The following OAS3 variants were observed in gnomAD, a reference collection of about 807,000 sequenced individuals.
OAS3 encodes 2'-5'-oligoadenylate synthase 3.
OAS3 carries 107 observed loss-of-function variants against 113.0 expected under a neutral mutation model. The observed-to-expected ratio is 0.95, with a 90% CI of 0.81 to 1.11. The LOEUF is 1.11. Among genes scored for constraint, OAS3 ranks in the 50% most tolerant of loss-of-function variants. OAS3 has a pLI of 0.00. For missense variants in OAS3, 1,258 were observed against 1,389.1 expected (o/e 0.91, Z 1.50); for synonymous variants, 552 against 573.6 (o/e 0.96, Z 0.54).
chr12:112,947,942 G>T lies in OAS3; in HGVS notation c.876-4G>T, dbSNP rs1280978220. ...AGAACCTTCTTGTCTCTCTGAAATT[G>T]CAGGCCTGTGATCCTGGACCCAGCT... On this transcript the variant is annotated splice_polypyrimidine_tract_variant and splice_region_variant and intron_variant, in intron 4 of 15. Coordinates refer to ENST00000228928, the MANE Select transcript of OAS3 (RefSeq NM_006187.4). 2 of 1,583,280 alleles carry T rather than the reference G, an allele frequency of 1.3e-6. No individual in the cohort carries two copies. Among genetic ancestry groups the T allele is most frequent in the Non-Finnish European group, 1.7e-6 (2 of 1,165,076 alleles).
At chr12:112,953,277 G>A (rs2043807526) in intron 7 of OAS3, among the ~76,000 whole-genome samples, 1 of 152,130 alleles carries the variant, frequency 6.6e-6, no homozygotes, top group Admixed American at 6.5e-5. Context: ...TCAGAATGAT[G>A]GTTTCCAACT....
Position 112,950,890 on chromosome 12 carries a change from G to A in OAS3, c.1572G>A (p.Val524=), listed in dbSNP as rs377276708. Reference sequence around the variant, plus strand: ...GCCTTCAGTTTCCTGAGCAGAATGTGCCTGAGGCTCTGCAGTTCCAGCTGG... The same window carrying A: ...GCCTTCAGTTTCCTGAGCAGAATGTACCTGAGGCTCTGCAGTTCCAGCTGG... ...SLSLQFPEQN[V]PEALQFQLVS... is the part of the protein sequence containing the mutation. Residue 524 remains valine (V), a synonymous_variant, in exon 7 of 16, where the codon GTG becomes GTA. Coordinates refer to ENST00000228928, the MANE Select transcript of OAS3 (RefSeq NM_006187.4). The A allele has an allele frequency of 1.9e-5, 31 of 1,613,924 alleles. No individual in the cohort carries two copies. The highest frequency in any genetic ancestry group is 2.5e-5 in the Non-Finnish European group (29 of 1,179,908).
intron 1 of OAS3, among the ~76,000 whole-genome samples, 156 bp downstream of exon 1, chr12:112,938,863 T>TC (rs1289302265): frequency 1.3e-5 from 2 of 152,014 alleles, no homozygotes; most frequent in Non-Finnish European, 2.9e-5. Context: ...CCGTGCTAAC[T>TC]CCCCCGAACA....
At chr12:112,947,091 G>A (rs1357776190) in intron 4 of OAS3, 110 bp downstream of exon 4, 1 of 785,170 alleles carries the variant, frequency 1.3e-6, no homozygotes, top group East Asian at 2.7e-5. Context: ...AGAGGCCAAA[G>A]CAAAATGCTA....
chr12:112,938,618 C>A lies in OAS3; in HGVS notation c.88C>A (p.Arg30=), dbSNP rs201141925. The A allele has an allele frequency of 6.2e-7, 1 of 1,609,450 alleles. No homozygotes were observed. The highest frequency in any genetic ancestry group is 1.7e-5 in the Admixed American group (1 of 59,800). The change falls in exon 1 of 16, where the codon CGG becomes AGG. Residue 30 remains arginine, a synonymous_variant. Coordinates refer to ENST00000228928, the MANE Select transcript of OAS3 (RefSeq NM_006187.4). The part of the protein sequence containing the change: ...QPRKEFVEKA[R]RALGALAAAL... The stretch of plus-strand genomic sequence containing the variant: ...GCGGAAGGAGTTCGTAGAGAAGGCG[C>A]GGCGCGCTCTGGGCGCCCTGGCCGC...
intron 7 of OAS3, among the ~76,000 whole-genome samples, chr12:112,956,534 G>C (rs2043838054): frequency 6.6e-6 from 1 of 152,152 alleles, no homozygotes; most frequent in Non-Finnish European, 1.5e-5. Context: ...CTGGTATGTT[G>C]TGTCTTTGTT....
In OAS3 at chr12:112,947,968, G is replaced by C. The variant is rs1318129832; in HGVS notation, c.898G>C (p.Asp300His). 4 of 1,601,282 alleles carry C rather than the reference G, an allele frequency of 2.5e-6. No homozygotes were observed. The highest frequency in any genetic ancestry group is 3.4e-6 in the Non-Finnish European group (4 of 1,174,142). ...RPRPVILDPA[D>H]PTWDLGNGAA... ...CAGGCCTGTGATCCTGGACCCAGCT[G>C]ACCCCACATGGGACCTGGGGAATGG... The change falls in exon 5 of 16, where the codon GAC becomes CAC. Residue 300 changes from aspartate (D) to histidine (H), a missense_variant. Physicochemically the swap from Asp to His is moderately conservative, Grantham distance 81 (BLOSUM62 -1). Coordinates refer to ENST00000228928, the MANE Select transcript of OAS3 (RefSeq NM_006187.4).
chr12:112,953,433 T>C (rs1278865729), intron 7 of OAS3, among the ~76,000 whole-genome samples: 3 of 152,252 alleles, frequency 2.0e-5, no homozygotes, highest in Non-Finnish European at 4.4e-5. Flanking sequence ...TTGTGAATAG[T>C]GCCACAATAA....
At chr12:112,953,557 C>T (rs1016061353) in intron 7 of OAS3, among the ~76,000 whole-genome samples, 11 of 152,158 alleles carry the variant, frequency 7.2e-5, no homozygotes, top group African/African-American at 1.7e-4. Flanking sequence ...CTTGAGGAAT[C>T]ACCACACTGT....
chr12:112,970,260 A>C lies in OAS3; in HGVS notation c.*287A>C. Reference sequence around the variant, plus strand: ...CTGTCACTTCCATGACTCTATCCTCATACCACCACTGCTGCTTCCCACCCA... The same window carrying C: ...CTGTCACTTCCATGACTCTATCCTCCTACCACCACTGCTGCTTCCCACCCA... On this transcript the variant is annotated 3_prime_UTR_variant, in exon 16 of 16. Coordinates refer to ENST00000228928, the MANE Select transcript of OAS3 (RefSeq NM_006187.4). The C allele has an allele frequency of 9.9e-6, 5 of 507,288 alleles. No homozygotes were observed. Among genetic ancestry groups the C allele is most frequent in the East Asian group, 3.5e-5 (1 of 28,962 alleles). The allele number at this position is 507,288 out of a possible 1,614,324, so 31.4% of individuals were successfully genotyped here. A position where few individuals can be genotyped will look rare whatever the true frequency, so the allele number is the denominator to read the frequency against.
At chr12:112,946,100 AC>A (rs988060300) in intron 3 of OAS3, among the ~76,000 whole-genome samples, 4 of 151,962 alleles carry the variant, frequency 2.6e-5, no homozygotes, top group Non-Finnish European at 5.9e-5. Flanking sequence ...CATGTTTGTC[AC>A]CCCAGAGAGA....
chr12:112,964,384 C>T lies in OAS3; in HGVS notation c.2379C>T (p.Pro793=). 2 of 1,612,218 alleles carry T rather than the reference C, an allele frequency of 1.2e-6. No individual in the cohort carries two copies. The highest frequency in any genetic ancestry group is 1.7e-6 in the Non-Finnish European group (2 of 1,179,246). ...AGGAAAACTGCTTCCGGAATTCTCC[C>T]ATCAAAGTGATCAAGGTGGTCAAGG... The part of the protein sequence containing the change: ...FLKENCFRNS[P]IKVIKVVKGG... Residue 793 remains proline (P), a synonymous_variant, in exon 11 of 16, where the codon CCC becomes CCT. Coordinates refer to ENST00000228928, the MANE Select transcript of OAS3 (RefSeq NM_006187.4).
intron 8 of OAS3, 131 bp downstream of exon 8, chr12:112,961,377 C>A: frequency 1.3e-6 from 1 of 755,244 alleles, no homozygotes. Context: ...GAAGGACCGG[C>A]CTCCTCCATC....
At chr12:112,952,697 A>G (rs1301233583) in intron 7 of OAS3, among the ~76,000 whole-genome samples, 1 of 152,186 alleles carries the variant, frequency 6.6e-6, no homozygotes, top group Non-Finnish European at 1.5e-5. Flanking sequence ...ATGAGTGACA[A>G]ATTTTTCTCA....
At position 112,939,306 on chromosome 12, in the gene OAS3, C is replaced by CTTTTTTTTTTTTTTTT. The variant is rs58792765; in HGVS notation, c.177+615_177+630dup. 2.9e-5 allele frequency among the ~76,000 whole-genome samples: 2 copies of CTTTTTTTTTTTTTTTT among 68,252 alleles called. 1 individual carries two copies. Among genetic ancestry groups the CTTTTTTTTTTTTTTTT allele is most frequent in the African/African-American group, 1.1e-4 (2 of 18,232 alleles). The allele number at this position is 68,252 out of a possible 152,430, so 44.8% of individuals were successfully genotyped here. A position where few individuals can be genotyped will look rare whatever the true frequency, so the allele number is the denominator to read the frequency against. ...GCTAAATTACTACTCTGAGTCACAT[C>CTTTTTTTTTTTTTTTT]TTTTTTTTTTTTTTTTTTTTTTTTT... On this transcript the variant is annotated intron_variant, in intron 1 of 15. Transcript: ENST00000228928.
intron 7 of OAS3, among the ~76,000 whole-genome samples, chr12:112,951,282 G>A (rs1428880824): frequency 6.6e-6 from 1 of 152,056 alleles, no homozygotes; most frequent in Non-Finnish European, 1.5e-5. Flanking sequence ...TTTTTTTAAA[G>A]AAATTTCTCA....
In OAS3 at chr12:112,972,635, T is replaced by C. The variant is rs1480598589; in HGVS notation, c.*2662T>C. The C allele has an allele frequency of 2.0e-5, 3 of 152,236 alleles. No individual in the cohort carries two copies. The highest frequency in any genetic ancestry group is 4.4e-5 in the Non-Finnish European group (3 of 68,056). The allele number at this position is 152,236 out of a possible 1,614,324, so 9.4% of individuals were successfully genotyped here. A position where few individuals can be genotyped will look rare whatever the true frequency, so the allele number is the denominator to read the frequency against. On this transcript the variant is annotated 3_prime_UTR_variant, in exon 16 of 16. Transcript: ENST00000228928. ...TTAAAACATACTATGAAGCCTCTGA[T>C]ACTTAAACAGCATGGCGCTGGTACG... is the stretch of plus-strand genomic sequence containing the variant.
chr12:112,949,097 C>T lies in OAS3; in HGVS notation c.1266C>T (p.Asp422=). The T allele has an allele frequency of 6.2e-7, 1 of 1,614,022 alleles. No individual in the cohort carries two copies. The highest frequency in any genetic ancestry group is 8.5e-7 in the Non-Finnish European group (1 of 1,179,898). Residue 422 remains aspartate (D), a synonymous_variant, in exon 6 of 16, where the codon GAC becomes GAT. Coordinates refer to ENST00000228928, the MANE Select transcript of OAS3 (RefSeq NM_006187.4). ...PTKELDRFIQ[D]HLKPSPQFQE... is the part of the protein sequence containing the mutation. ...AGGAGCTGGACCGCTTCATCCAGGA[C>T]CACCTGAAGCCGAGCCCCCAGTTCC... is the stretch of plus-strand genomic sequence containing the variant.
rs1393476197 is a variant in OAS3, at chr12:112,944,119, G to C, written c.461-357G>C. On this transcript the variant is annotated intron_variant, in intron 2 of 15. Coordinates refer to ENST00000228928, the MANE Select transcript of OAS3 (RefSeq NM_006187.4). ...TATGTAGAGTGGTGTTTTGAGGAAG[G>C]CTCAGGGAGGAGAGAGTTGCCAGGC... Among the ~76,000 whole-genome samples, 5 of 152,220 alleles carry C rather than the reference G, an allele frequency of 3.3e-5. No homozygotes were observed. In the South Asian group the frequency reaches 8.3e-4, roughly 25 times the overall value.
Sources: allele counts gnomAD v4.1 joint callset (sites outside exome capture counted in the v4.1 genomes callset), GRCh38; gene constraint gnomAD v4.1.1; transcripts MANE v1.5; gene names NCBI Gene and HGNC (gene_info 2026-07-23, HGNC 2026-07-21).